The following SRRM1 variants were observed in gnomAD, a reference collection of about 807,000 sequenced individuals.
The protein encoded by SRRM1 is serine/arginine repetitive matrix protein 1.
In SRRM1, 19 loss-of-function variants were observed where a neutral mutation model predicts 110.2. That is an observed-to-expected ratio of 0.17 (90% CI 0.12 to 0.25). SRRM1 has a LOEUF of 0.25. SRRM1 is among the 10% of genes least tolerant of loss of function. The probability of loss-of-function intolerance (pLI) is 1.00; values close to 1 mark genes in which losing one functional copy is unlikely to be tolerated. For synonymous variants in SRRM1, 443 were observed against 414.9 expected, an observed-to-expected ratio of 1.07 and a Z score of -0.82; for missense variants, 918 against 1,145.8, an observed-to-expected ratio of 0.80 and a Z score of 2.87.
intron 12 of SRRM1, 28 bp from the exon 13 acceptor site, chr1:24,666,787 A>G: frequency 6.3e-7 from 1 of 1,593,678 alleles, no homozygotes; most frequent in Non-Finnish European, 8.6e-7. Context: ...AAAAGAAAAA[A>G]AATTAACTAT....
At chr1:24,666,954 A>G in intron 13 of SRRM1, 29 bp downstream of exon 13, 2 of 1,499,290 alleles carry the variant, frequency 1.3e-6, no homozygotes, top group Non-Finnish European at 1.8e-6. Context: ...TAACTGGAGC[A>G]TCTCCCCAAC....
Position 24,643,446 on chromosome 1 carries a change from T to C in SRRM1, c.21+99T>C, listed in dbSNP as rs888215033. ...GCACAGGGTGGCCAGCGAGGGGAGC[T>C]TCGGAGATCTTAAGGATTCCTCCTA... is the stretch of plus-strand genomic sequence containing the variant. On this transcript the variant is annotated intron_variant, in intron 1 of 16. Transcript: ENST00000323848. The C allele has an allele frequency of 6.8e-6, 7 of 1,037,032 alleles. No homozygotes were observed. In the African/African-American group the frequency reaches 1.1e-4, roughly 16 times the overall value. 64.2% of individuals were successfully genotyped at this position (1,037,032 alleles called of 1,614,324 possible). A position where few individuals can be genotyped will look rare whatever the true frequency, so the allele number is the denominator to read the frequency against.
chr1:24,649,552 C>T (rs774795235), intron 4 of SRRM1, among the ~76,000 whole-genome samples: 9 of 152,242 alleles, frequency 5.9e-5, no homozygotes, highest in Non-Finnish European at 1.0e-4. Context: ...CTCCTGACCT[C>T]AAGTGATCTG....
intron 5 of SRRM1, 107 bp downstream of exon 5, chr1:24,650,193 A>G (rs1659810964): frequency 1.1e-5 from 13 of 1,136,020 alleles, no homozygotes; most frequent in Admixed American, 3.8e-5. Context: ...AATTTGTTCC[A>G]TCATGCAGTT....
At chr1:24,653,259 CT>C (rs1276150049) in intron 8 of SRRM1, among the ~76,000 whole-genome samples, 1 of 152,080 alleles carries the variant, frequency 6.6e-6, no homozygotes. Context: ...CTTATTGATA[CT>C]TTTCTGTTAA....
rs928174317 is a variant in SRRM1 at position 24,643,491 on chromosome 1, C to G, written c.21+144C>G. The G allele has an allele frequency of 1.7e-4, 100 of 577,856 alleles. 2 individuals carry two copies. The highest frequency in any genetic ancestry group is 1.7e-3 in the East Asian group (46 of 27,432). 35.8% of individuals were successfully genotyped at this position (577,856 alleles called of 1,614,324 possible). ...CTCCTAGAGCCGGCGCACCCCCCCC[C>G]CCCCCGTGCGCTGCGGCGGAGACCG... On this transcript the variant is annotated intron_variant, in intron 1 of 16. Coordinates refer to ENST00000323848, the MANE Select transcript of SRRM1 (RefSeq NM_005839.4).
chr1:24,669,909 T>G, intron 14 of SRRM1: 1 of 569,702 alleles, frequency 1.8e-6, no homozygotes, highest in East Asian at 2.9e-5. Context: ...ATAAGAAGCA[T>G]CATTAACAGA....
Position 24,669,242 on chromosome 1 carries a change from C to T in SRRM1, c.1859C>T (p.Pro620Leu), listed in dbSNP as rs768911823. ...AGAAGAACGGCTTCACCTCCTCCCC[C>T]TCCTAAACGAAGAGCATCACCATCT... is the stretch of plus-strand genomic sequence containing the variant. ...PKRRTASPPP[P>L]PKRRASPSPP... The change falls in exon 14 of 17, where the codon CCT becomes CTT. Residue 620 changes from proline (P) to leucine (L), a missense_variant. Physicochemically the swap from Pro to Leu is moderately conservative, Grantham distance 98. Around this residue, in one of 5 missense-constraint regions of SRRM1, gnomAD observed 357 missense variants for 402.9 expected, o/e 0.89. Coordinates refer to ENST00000323848, the MANE Select transcript of SRRM1 (RefSeq NM_005839.4). 4 of 1,614,058 alleles carry T rather than the reference C, an allele frequency of 2.5e-6. No individual in the cohort carries two copies. Among genetic ancestry groups the T allele is most frequent in the African/African-American group, 2.7e-5 (2 of 74,920 alleles).
Position 24,660,727 on chromosome 1 carries a change from C to G in SRRM1, c.1324C>G (p.His442Asp). The change falls in exon 10 of 17, where the codon CAT becomes GAT. Residue 442 changes from histidine to aspartate, a missense_variant. His to Asp is a moderately conservative substitution (Grantham distance 81). This residue lies in a region of SRRM1 where 456 missense variants were observed against 453.5 expected (regional missense o/e 1.01). Coordinates refer to ENST00000323848, the MANE Select transcript of SRRM1 (RefSeq NM_005839.4). ...PGRTSGKVTKHKGTEKRESPS... is the reference protein window; with the variant it reads ...PGRTSGKVTKDKGTEKRESPS... ...CTCTTATTCTTTTTTAGTGACAAAACATAAAGGTACTGAGAAAAGAGAATC... is the reference window on the plus strand; with the variant it reads ...CTCTTATTCTTTTTTAGTGACAAAAGATAAAGGTACTGAGAAAAGAGAATC... 1 of 1,565,226 alleles carries G rather than the reference C, an allele frequency of 6.4e-7. No individual in the cohort carries two copies.
chr1:24,651,355 C>T, intron 5 of SRRM1, 54 bp from the exon 6 acceptor site: 3 of 1,450,882 alleles, frequency 2.1e-6, no homozygotes, highest in Non-Finnish European at 1.9e-6. Context: ...CCTTTGACTC[C>T]TCTCTTCCAA....
At chr1:24,659,209 A>G (rs1164962332) in intron 9 of SRRM1, among the ~76,000 whole-genome samples, 3 of 150,602 alleles carry the variant, frequency 2.0e-5, no homozygotes, top group South Asian at 4.2e-4. Context: ...AAAAAAAAAG[A>G]GAGAGAAAGG....
rs139728420 is a variant in SRRM1 at position 24,670,289 on chromosome 1, C to T, written c.2374C>T (p.Pro792Ser). ...TGTACCGGTCAAAAAGGCCAAAAGC[C>T]CAACACCGAGCCCATCACCGCCAAG... ...PAVPVKKAKS[P>S]TPSPSPPRNS... is the part of the protein sequence containing the mutation. The change falls in exon 15 of 17, where the codon CCA becomes TCA. Residue 792 changes from proline to serine, a missense_variant. By Grantham distance (74) the Pro-to-Ser change is moderately conservative. This residue lies in a region of SRRM1 where 357 missense variants were observed against 402.9 expected (regional missense o/e 0.89). Coordinates refer to ENST00000323848, the MANE Select transcript of SRRM1 (RefSeq NM_005839.4). The T allele has an allele frequency of 1.7e-5, 28 of 1,613,176 alleles. No homozygotes were observed. The highest frequency in any genetic ancestry group is 2.7e-5 in the African/African-American group (2 of 74,812).
chr1:24,654,878 T>C lies in SRRM1; in HGVS notation c.1064T>C (p.Leu355Ser). 1 of 1,614,226 alleles carries C rather than the reference T, an allele frequency of 6.2e-7. No individual in the cohort carries two copies. Among genetic ancestry groups the C allele is most frequent in the South Asian group, 1.1e-5 (1 of 91,088 alleles). Reference sequence around the variant, plus strand: ...AGAAGAAGACGTTCGTCAGCATCCTTGTCTGGGAGTAGCTCATCATCCTCT... The same window carrying C: ...AGAAGAAGACGTTCGTCAGCATCCTCGTCTGGGAGTAGCTCATCATCCTCT... ...VRRRRRSSAS[L>S]SGSSSSSSSS... is the part of the protein sequence containing the mutation. Residue 355 changes from leucine to serine, a missense_variant, in exon 9 of 17, where the codon TTG becomes TCG. Physicochemically the swap from Leu to Ser is moderately radical, Grantham distance 145. Coordinates refer to ENST00000323848, the MANE Select transcript of SRRM1 (RefSeq NM_005839.4).
At chr1:24,666,781 GA>G (rs754342595) in intron 12 of SRRM1, 33 bp from the exon 13 acceptor site, 65 of 1,575,990 alleles carry the variant, frequency 4.1e-5, no homozygotes, top group Non-Finnish European at 5.2e-5. Flanking sequence ...ACAAAAAAAA[GA>G]AAAAAAATTA....
intron 12 of SRRM1, chr1:24,663,078 A>T: frequency 2.7e-6 from 3 of 1,110,838 alleles, no homozygotes; most frequent in Non-Finnish European, 3.8e-6. Context: ...ACTCCTGAAC[A>T]TCTTTGAATA....
Position 24,652,588 on chromosome 1 carries a change from T to A in SRRM1, c.880T>A (p.Ser294Thr). 1 of 1,612,760 alleles carries A rather than the reference T, an allele frequency of 6.2e-7. No individual in the cohort carries two copies. The highest frequency in any genetic ancestry group is 1.1e-5 in the South Asian group (1 of 90,732). ...SRSRTRSRSP[S>T]HTRPRRRHRS... ...ATCCCGGACGCGGTCCCGCTCTCCTTCTCACACTCGACCTAGACGGCGCCA... is the reference window on the plus strand; with the variant it reads ...ATCCCGGACGCGGTCCCGCTCTCCTACTCACACTCGACCTAGACGGCGCCA... Residue 294 changes from serine to threonine, a missense_variant, in exon 7 of 17, where the codon TCT becomes ACT. Ser to Thr is a moderately conservative substitution (Grantham distance 58). Around this residue, in one of 5 missense-constraint regions of SRRM1, gnomAD observed 456 missense variants for 453.5 expected, o/e 1.01. Transcript: ENST00000323848.
rs761744859 is a variant in SRRM1 at position 24,653,016 on chromosome 1, A to C, written c.1024A>C (p.Arg342=). 1.7e-5 allele frequency: 27 copies of C among 1,613,422 alleles called. No individual in the cohort carries two copies. Among genetic ancestry groups the C allele is most frequent in the Non-Finnish European group, 2.2e-5 (26 of 1,179,716 alleles). The change falls in exon 8 of 17, where the codon AGA becomes CGA. Residue 342 remains arginine (R), a synonymous_variant. Transcript: ENST00000323848. ...TCCTCCACCAAGGCATAGAAGGAGT[A>C]GATCTCCAGTAAGACGGTAAGATTT... ...MPPPPRHRRS[R]SPVRRRRRSS...
At chr1:24,656,132 A>G (rs549775454) in intron 9 of SRRM1, among the ~76,000 whole-genome samples, 7 of 152,186 alleles carry the variant, frequency 4.6e-5, no homozygotes, top group African/African-American at 1.7e-4. Context: ...GATGGGCAAA[A>G]TTTTCATTAT....
At chr1:24,653,617 C>G (rs949469418) in intron 8 of SRRM1, among the ~76,000 whole-genome samples, 4 of 152,026 alleles carry the variant, frequency 2.6e-5, no homozygotes, top group African/African-American at 9.7e-5. Flanking sequence ...TTTCAAAACC[C>G]CAACTGTACC....
Sources: gnomAD v4.1 joint callset for allele counts (sites outside exome capture counted in the v4.1 genomes callset) on GRCh38, gnomAD v4.1.1 for gene constraint, gnomAD v4.1.1 regional missense constraint, MANE v1.5 for transcripts, NCBI Gene and HGNC (gene_info 2026-07-23, HGNC 2026-07-21) for gene names.